The following TSEN2 variants were observed in gnomAD, a reference collection of about 807,000 sequenced individuals.
The protein encoded by TSEN2 is tRNA-splicing endonuclease subunit Sen2.
TSEN2 carries 54 observed loss-of-function variants against 59.2 expected under a neutral mutation model. The observed-to-expected ratio is 0.91, with a 90% CI of 0.73 to 1.14. TSEN2 has a LOEUF of 1.14. Ranked by LOEUF, TSEN2 falls within the 50% of genes most tolerant of loss-of-function variation. The pLI is 0.00. For missense variants in TSEN2, 636 were observed against 576.2 expected (o/e 1.10, Z -1.06); for synonymous variants, 195 against 198.2 (o/e 0.98, Z 0.14).
Position 12,503,339 on chromosome 3 carries a change from T to G in TSEN2, c.386T>G (p.Leu129Arg). 6.2e-7 allele frequency: 1 copy of G among 1,614,232 alleles called. No homozygotes were observed. Residue 129 changes from leucine to arginine, a missense_variant, in exon 5 of 12, where the codon CTC becomes CGC. Leu to Arg is a moderately radical substitution (Grantham distance 102). Coordinates refer to ENST00000284995, the MANE Select transcript of TSEN2 (RefSeq NM_025265.4). ...GQDESTVRRI[L>R]KDYTKPLEHP... ...GATGAGAGTACAGTGCGCAGAATCC[T>G]CAAGGATTACACGAAACCGCTTGAG...
At position 12,505,362 on chromosome 3, in the gene TSEN2, A is replaced by G. The variant is rs1040289376; in HGVS notation, c.909+131A>G. The G allele has an allele frequency of 4.2e-6, 3 of 706,712 alleles. No homozygotes were observed. The East Asian group carries it at 8.1e-5, about 19-fold the overall frequency. 43.8% of individuals were successfully genotyped at this position (706,712 alleles called of 1,614,324 possible). ...AATATTGTAATTCAGTATTGAAATC[A>G]CTATGGGTAGCTCCCAAGTAGGCCT... On this transcript the variant is annotated intron_variant, in intron 6 of 11. Coordinates refer to ENST00000284995, the MANE Select transcript of TSEN2 (RefSeq NM_025265.4).
chr3:12,508,065 G>C (rs751375305), intron 6 of TSEN2, among the ~76,000 whole-genome samples: 26 of 152,174 alleles, frequency 1.7e-4, no homozygotes, highest in Non-Finnish European at 3.4e-4. Context: ...GGATTCCGTA[G>C]GGGAGTGGCA....
At chr3:12,529,056 G>A (rs2057293082) in intron 9 of TSEN2, 132 bp downstream of exon 9, 1 of 861,160 alleles carries the variant, frequency 1.2e-6, no homozygotes, top group Non-Finnish European at 2.0e-6. Context: ...GATGCTATAT[G>A]TTCATGCCTC....
chr3:12,486,807 G>A (rs572331893), intron 1 of TSEN2, among the ~76,000 whole-genome samples: 1 of 152,084 alleles, frequency 6.6e-6, no homozygotes, highest in Non-Finnish European at 1.5e-5. Context: ...TTGTCTCGTG[G>A]TCTTTTGTGT....
At chr3:12,497,688 G>A (rs998633568) in intron 4 of TSEN2, among the ~76,000 whole-genome samples, 4 of 152,228 alleles carry the variant, frequency 2.6e-5, no homozygotes, top group African/African-American at 9.6e-5. Flanking sequence ...CAGCCTGCCA[G>A]CGTAGAGGTT....
At chr3:12,535,192 C>G (rs896848433), downstream of TSEN2, among the ~76,000 whole-genome samples, 1 of 152,136 alleles carries the variant, frequency 6.6e-6, no homozygotes, top group African/African-American at 2.4e-5. Flanking sequence ...CTCTCCTCCC[C>G]ACCACCCACC....
At chr3:12,485,012 A>G (rs2052455334) in intron 1 of TSEN2, 132 bp downstream of exon 1, 1 of 152,218 alleles carries the variant, frequency 6.6e-6, no homozygotes, top group African/African-American at 2.4e-5. Flanking sequence ...CTGCAAAATT[A>G]TGCATTTAAT....
chr3:12,514,528 C>G (rs2055849467), intron 6 of TSEN2, among the ~76,000 whole-genome samples: 1 of 152,050 alleles, frequency 6.6e-6, no homozygotes, highest in South Asian at 2.1e-4. Flanking sequence ...GACTTGGGAC[C>G]AAGAAGGCAA....
intron 7 of TSEN2, among the ~76,000 whole-genome samples, chr3:12,517,887 T>G (rs1797889): frequency 0.64 from 97,483 of 151,926 alleles, 33,899 homozygotes; most frequent in African/African-American, 0.91. Context: ...GTTACTCACA[T>G]TGGGGTCACA....
chr3:12,488,650 G>A lies in TSEN2; in HGVS notation c.-17-1134G>A, dbSNP rs1026910516. On this transcript the variant is annotated intron_variant, in intron 1 of 11. Coordinates refer to ENST00000284995, the MANE Select transcript of TSEN2 (RefSeq NM_025265.4). ...TGTTATATACTTGTTTTGTCTCCTT[G>A]GATCCAATGTATGGCCCCAGAGGGA... 2.6e-5 allele frequency among the ~76,000 whole-genome samples: 4 copies of A among 152,226 alleles called. No individual in the cohort carries two copies. The East Asian group carries it at 7.7e-4, about 29-fold the overall frequency.
chr3:12,494,984 G>A (rs968493993), intron 3 of TSEN2, among the ~76,000 whole-genome samples: 21 of 151,384 alleles, frequency 1.4e-4, no homozygotes, highest in African/African-American at 4.8e-4. Flanking sequence ...AAATGAGCTG[G>A]GCATGGTGGC....
intron 10 of TSEN2, chr3:12,531,143 T>A: frequency 5.7e-6 from 1 of 176,630 alleles, no homozygotes; most frequent in Non-Finnish European, 1.2e-5. Context: ...ATGGGGACCG[T>A]CCCCCATAAT....
rs189388765 is a variant in TSEN2 at position 12,497,438 on chromosome 3, G to A, written c.308+884G>A. On this transcript the variant is annotated intron_variant, in intron 4 of 11. Transcript: ENST00000284995. Reference sequence around the variant, plus strand: ...ACCCCATAGCCAGCGGGGTGGCAAGGAGTGGTGGCACCAGGGAGATCTCAA... The same window carrying A: ...ACCCCATAGCCAGCGGGGTGGCAAGAAGTGGTGGCACCAGGGAGATCTCAA... Among the ~76,000 whole-genome samples the A allele has an allele frequency of 7.6e-4, 116 of 152,338 alleles. 1 individual carries two copies. The highest frequency in any genetic ancestry group is 2.6e-3 in the African/African-American group (109 of 41,574).
At chr3:12,499,164 G>A (rs993886924) in intron 4 of TSEN2, among the ~76,000 whole-genome samples, 13 of 152,060 alleles carry the variant, frequency 8.5e-5, no homozygotes, top group African/African-American at 1.2e-4. Context: ...ATAAAGTTAC[G>A]CACCTTCTGC....
intron 6 of TSEN2, among the ~76,000 whole-genome samples, chr3:12,511,667 A>G (rs2055476174): frequency 6.6e-6 from 1 of 151,710 alleles, no homozygotes; most frequent in African/African-American, 2.4e-5. Context: ...CCTGAGCCCA[A>G]GCAGTCCTCC....
intron 4 of TSEN2, among the ~76,000 whole-genome samples, chr3:12,502,802 G>A (rs951988142): frequency 1.3e-5 from 2 of 151,496 alleles, no homozygotes; most frequent in East Asian, 2.0e-4. Context: ...GGCCACACGC[G>A]GTGGCTCACA....
At chr3:12,505,300 A>G in intron 6 of TSEN2, 69 bp downstream of exon 6, 1 of 933,978 alleles carries the variant, frequency 1.1e-6, no homozygotes, top group Non-Finnish European at 1.8e-6. Flanking sequence ...ATGTGAACCT[A>G]CCTCACAGTG....
intron 4 of TSEN2, among the ~76,000 whole-genome samples, chr3:12,500,144 C>G (rs2054153225): frequency 6.6e-6 from 1 of 152,168 alleles, no homozygotes; most frequent in Non-Finnish European, 1.5e-5. Context: ...CACGCTCCCC[C>G]TTAACACTTT....
At chr3:12,534,315 A>T (rs938279892), downstream of TSEN2, among the ~76,000 whole-genome samples, 1 of 152,214 alleles carries the variant, frequency 6.6e-6, no homozygotes, top group Non-Finnish European at 1.5e-5. Flanking sequence ...ACCTTGGTGC[A>T]GTGTGTGGTA....
Sources: allele counts gnomAD v4.1 joint callset (sites outside exome capture counted in the v4.1 genomes callset), GRCh38; gene constraint gnomAD v4.1.1; transcripts MANE v1.5; gene names NCBI Gene and HGNC (gene_info 2026-07-23, HGNC 2026-07-21).